MEGF11: variants seen among roughly 807,000 people sequenced by gnomAD.
The protein encoded by MEGF11 is multiple EGF like domains 11.
In MEGF11, 126 loss-of-function variants were observed where a neutral mutation model predicts 146.6. The ratio of observed to expected loss-of-function variants is 0.86; its 90% CI spans 0.74 to 1.00. The LOEUF (loss-of-function observed/expected upper bound fraction) is 1.00, where lower values mean the gene tolerates loss of function less well. Among genes scored for constraint, MEGF11 ranks in the 50% least tolerant of loss-of-function variants. MEGF11 has a pLI of 0.00. For missense variants in MEGF11, 1,509 were observed against 1,521.2 expected (o/e 0.99, Z 0.13); for synonymous variants, 532 against 583.4 (o/e 0.91, Z 1.27).
chr15:65,906,241 C>A, intron 23 of MEGF11, 100 bp from the exon 24 acceptor site: 1 of 803,404 alleles, frequency 1.2e-6, no homozygotes. Flanking sequence ...CCCCCTTCTC[C>A]CCTACCCAGA....
chr15:65,968,064 T>G (rs2081172309), intron 8 of MEGF11, among the ~76,000 whole-genome samples: 1 of 152,054 alleles, frequency 6.6e-6, no homozygotes, highest in Admixed American at 6.5e-5. Context: ...AATCTTGTCA[T>G]ATTTCAGCCA....
At chr15:65,987,451 A>G (rs1324197071) in intron 5 of MEGF11, among the ~76,000 whole-genome samples, 1 of 152,146 alleles carries the variant, frequency 6.6e-6, no homozygotes, top group African/African-American at 2.4e-5. Flanking sequence ...CCAAAATTTT[A>G]TTCTCTTAAG....
chr15:65,946,970 C>T (rs562114098), intron 10 of MEGF11, among the ~76,000 whole-genome samples: 1 of 152,288 alleles, frequency 6.6e-6, no homozygotes, highest in East Asian at 1.9e-4. Flanking sequence ...ATTATATCTC[C>T]CTCCTCAGAA....
intron 5 of MEGF11, among the ~76,000 whole-genome samples, chr15:65,983,258 A>C (rs1045610849): frequency 1.3e-5 from 2 of 152,148 alleles, no homozygotes; most frequent in Non-Finnish European, 2.9e-5. Flanking sequence ...AGCCTTCAAG[A>C]TCTTTACATG....
intron 9 of MEGF11, among the ~76,000 whole-genome samples, chr15:65,958,906 C>T (rs954686178): frequency 6.6e-6 from 1 of 152,166 alleles, no homozygotes; most frequent in African/African-American, 2.4e-5. Flanking sequence ...CCTGCCTGCT[C>T]TGGAGCCCAG....
intron 5 of MEGF11, among the ~76,000 whole-genome samples, chr15:66,035,944 C>T (rs1263938195): frequency 1.3e-5 from 2 of 152,250 alleles, no homozygotes; most frequent in East Asian, 3.8e-4. Flanking sequence ...GCCACAGCCC[C>T]TCAGCCCACC....
intron 1 of MEGF11, among the ~76,000 whole-genome samples, chr15:66,233,218 T>C (rs958183203): frequency 5.9e-5 from 9 of 152,204 alleles, no homozygotes; most frequent in Non-Finnish European, 1.3e-4. Context: ...CTCACAACGC[T>C]ACAAGAAAAT....
chr15:65,935,810 G>A (rs2079763274), intron 10 of MEGF11, among the ~76,000 whole-genome samples: 1 of 152,202 alleles, frequency 6.6e-6, no homozygotes, highest in South Asian at 2.1e-4. Context: ...ACCTCAACAA[G>A]CACAAGTATT....
chr15:66,123,888 G>C lies in MEGF11; in HGVS notation c.200+11C>G. 1.9e-6 allele frequency: 3 copies of C among 1,606,718 alleles called. No homozygotes were observed. The highest frequency in any genetic ancestry group is 2.6e-6 in the Non-Finnish European group (3 of 1,173,264). On this transcript the variant is annotated intron_variant, in intron 3 of 25. Transcript: ENST00000395614. ...CTTTTCCCTGCCCCATCATCTGAGA[G>C]AGGTACTCACCGGTGCCTGGTGCAC...
intron 10 of MEGF11, among the ~76,000 whole-genome samples, chr15:65,936,062 C>T (rs1445416581): frequency 6.6e-6 from 1 of 152,166 alleles, no homozygotes; most frequent in Admixed American, 6.5e-5. Context: ...TCATGATGGT[C>T]TGTGTGGGAC....
chr15:65,930,723 G>A (rs1008137637), intron 11 of MEGF11, 100 bp downstream of exon 11: 12 of 1,393,702 alleles, frequency 8.6e-6, no homozygotes, highest in South Asian at 4.8e-5. Context: ...ATGTGGGGGC[G>A]GGGGTTGGGG....
chr15:65,964,237 G>A (rs75006232), intron 9 of MEGF11, among the ~76,000 whole-genome samples: 3 of 152,166 alleles, frequency 2.0e-5, no homozygotes, highest in Admixed American at 1.3e-4. Flanking sequence ...CTTTGGAAGT[G>A]GGGGGTGGAG....
chr15:66,005,759 C>T lies in MEGF11; in HGVS notation c.395-23271G>A, dbSNP rs138134614. Reference sequence around the variant, plus strand: ...AGCTGAGGGACAGTGTCATCGTGTCCAGGAAATGGGGTCCACCAGGGATGG... The same window carrying T: ...AGCTGAGGGACAGTGTCATCGTGTCTAGGAAATGGGGTCCACCAGGGATGG... On this transcript the variant is annotated intron_variant, in intron 5 of 25. Coordinates refer to ENST00000395614, the MANE Select transcript of MEGF11 (RefSeq NM_001385028.1). Among the ~76,000 whole-genome samples, 365 of 152,222 alleles carry T rather than the reference C, an allele frequency of 2.4e-3. 1 individual carries two copies. The highest frequency in any genetic ancestry group is 8.5e-3 in the African/African-American group (353 of 41,536).
rs775258611 is a variant in MEGF11 at position 66,122,195 on chromosome 15, C to G, written c.200+1704G>C. Among the ~76,000 whole-genome samples the G allele has an allele frequency of 1.8e-4, 28 of 151,370 alleles. 1 individual carries two copies. Among genetic ancestry groups the G allele is most frequent in the Admixed American group, 1.3e-4 (2 of 15,174 alleles). ...AGGAGAATTGCTTGAACCAGGAAGC[C>G]AGCGATTGCAGTGAACTGAGATCGC... On this transcript the variant is annotated intron_variant, in intron 3 of 25. Coordinates refer to ENST00000395614, the MANE Select transcript of MEGF11 (RefSeq NM_001385028.1).
intron 5 of MEGF11, among the ~76,000 whole-genome samples, chr15:66,012,279 T>C (rs1596988325): frequency 6.6e-6 from 1 of 152,282 alleles, no homozygotes; most frequent in South Asian, 2.1e-4. Flanking sequence ...TGTTTTTCAT[T>C]AAAAAATGTA....
chr15:66,040,010 G>T (rs1444804407), intron 5 of MEGF11, among the ~76,000 whole-genome samples: 2 of 151,410 alleles, frequency 1.3e-5, no homozygotes, highest in Non-Finnish European at 2.9e-5. Flanking sequence ...CGGCGGTGGG[G>T]TGACGGTCAG....
At chr15:65,965,285 C>G (rs889423937) in intron 8 of MEGF11, 165 bp from the exon 9 acceptor site, 1 of 579,658 alleles carries the variant, frequency 1.7e-6, no homozygotes. Context: ...GGAAGTAGTC[C>G]ATGGTTTAGT....
chr15:66,227,545 G>A (rs79851538), intron 1 of MEGF11, among the ~76,000 whole-genome samples: 288 of 152,212 alleles, frequency 1.9e-3, no homozygotes, highest in African/African-American at 6.6e-3. Flanking sequence ...CTAACGCCAG[G>A]AATTCTTTCC....
chr15:65,943,080 G>A (rs755892360), intron 10 of MEGF11, among the ~76,000 whole-genome samples: 6 of 144,282 alleles, frequency 4.2e-5, no homozygotes, highest in Non-Finnish European at 7.5e-5. Flanking sequence ...ACCGCCCCCC[G>A]GGTTCAAGCG....
Sources: allele counts gnomAD v4.1 joint callset (sites outside exome capture counted in the v4.1 genomes callset), GRCh38; gene constraint gnomAD v4.1.1; transcripts MANE v1.5; gene names NCBI Gene and HGNC (gene_info 2026-07-23, HGNC 2026-07-21).